Variants in CDHR1 observed in about 807,000 individuals in gnomAD.
The protein encoded by CDHR1 is cadherin-related family member 1.
A neutral mutation model predicts 72.1 loss-of-function variants in CDHR1; 61 were observed. The ratio of observed to expected loss-of-function variants is 0.85; its 90% CI spans 0.69 to 1.05. The LOEUF is 1.05. Among genes scored for constraint, CDHR1 ranks in the 50% least tolerant of loss-of-function variants. The pLI is 0.00. For missense variants in CDHR1, 1,186 were observed against 1,115.7 expected, an observed-to-expected ratio of 1.06 and a Z score of -0.90; for synonymous variants, 470 against 448.1, an observed-to-expected ratio of 1.05 and a Z score of -0.62.
rs558471351 is a variant in CDHR1 at position 84,210,892 on chromosome 10, G to C, written c.1321-109G>C. ...CTGGTTGGCAGCTGCGAGGAAGATC[G>C]GGAGACACGGCAGATGGATGCCACA... On this transcript the variant is annotated intron_variant, in intron 12 of 16. Transcript: ENST00000623527. The C allele has an allele frequency of 4.8e-6, 6 of 1,243,888 alleles. No homozygotes were observed. In the Admixed American group the frequency reaches 8.4e-5, roughly 17 times the overall value. The allele number at this position is 1,243,888 out of a possible 1,614,324, so 77.1% of individuals were successfully genotyped here.
chr10:84,198,627 G>T (rs1842068489), intron 4 of CDHR1, among the ~76,000 whole-genome samples: 1 of 152,212 alleles, frequency 6.6e-6, no homozygotes. Context: ...CCACAGCCCA[G>T]GAACTCTCAA....
Position 84,194,562 on chromosome 10 carries a change from G to T in CDHR1, c.-199G>T. On this transcript the variant is annotated 5_prime_UTR_variant, in exon 1 of 17. Transcript: ENST00000623527. ...GCTAATTGGTCTCGTCAGGCGGCCG[G>T]CAGGAGCAGATCCGAGCCGTGTCAT... The T allele has an allele frequency of 4.3e-6, 2 of 460,852 alleles. No homozygotes were observed. Among genetic ancestry groups the T allele is most frequent in the South Asian group, 8.1e-5 (2 of 24,588 alleles). 28.5% of individuals were successfully genotyped at this position (460,852 alleles called of 1,614,324 possible).
intron 5 of CDHR1, among the ~76,000 whole-genome samples, chr10:84,199,817 T>G (rs1842091400): frequency 6.6e-6 from 1 of 152,208 alleles, no homozygotes; most frequent in Non-Finnish European, 1.5e-5. Flanking sequence ...TGCTCCCTCC[T>G]GCAATGGGAG....
intron 9 of CDHR1, among the ~76,000 whole-genome samples, chr10:84,205,180 G>A (rs1421582197): frequency 6.6e-6 from 1 of 152,112 alleles, no homozygotes; most frequent in East Asian, 1.9e-4. Context: ...CCTGGGCCAG[G>A]CCAGGGCATC....
rs1023975740 is a variant in CDHR1 at position 84,215,353 on chromosome 10, T to C, written c.*732T>C. ...GCCAGGACTGCCCTGAGCCGCAAAA[T>C]GTCAAAGCTGGAGCTATAGAGGTAG... On this transcript the variant is annotated 3_prime_UTR_variant, in exon 17 of 17. Coordinates refer to ENST00000623527, the MANE Select transcript of CDHR1 (RefSeq NM_033100.4). 4 of 985,630 alleles carry C rather than the reference T, an allele frequency of 4.1e-6. No individual in the cohort carries two copies. Among genetic ancestry groups the C allele is most frequent in the Non-Finnish European group, 4.8e-6 (4 of 830,236 alleles). 61.1% of individuals were successfully genotyped at this position (985,630 alleles called of 1,614,324 possible).
chr10:84,214,451 A>C lies in CDHR1; in HGVS notation c.2410A>C (p.Thr804Pro), dbSNP rs776557705. The C allele has an allele frequency of 6.2e-7, 1 of 1,612,236 alleles. No homozygotes were observed. Among genetic ancestry groups the C allele is most frequent in the South Asian group, 1.1e-5 (1 of 91,066 alleles). ...TCCACCACCCAGCGTGGCGCCCAGC[A>C]CTGGCGCAGCCCAGTGGACCGTGCC... The part of the protein sequence containing the change: ...LPPPPSVAPS[T>P]GAAQWTVPTV... Residue 804 changes from threonine to proline, a missense_variant, in exon 17 of 17, where the codon ACT (threonine) becomes CCT (proline). By Grantham distance (38) the Thr-to-Pro change is conservative (BLOSUM62 -1). Coordinates refer to ENST00000623527, the MANE Select transcript of CDHR1 (RefSeq NM_033100.4).
intron 10 of CDHR1, among the ~76,000 whole-genome samples, chr10:84,207,568 A>G (rs778145136): frequency 1.4e-4 from 22 of 152,224 alleles, no homozygotes; most frequent in Non-Finnish European, 2.9e-4. Flanking sequence ...TATCTGCCAC[A>G]TGGTTCACAA....
At position 84,211,084 on chromosome 10, in the gene CDHR1, T is replaced by A; in HGVS notation, c.1404T>A (p.Asn468Lys). Residue 468 changes from asparagine to lysine, a missense_variant, in exon 13 of 17, where the codon AAT (asparagine) becomes AAA (lysine). Asn to Lys is a moderately conservative substitution (Grantham distance 94). Transcript: ENST00000623527. ...TCCAGCTCCTGGACACCAATGACAATGTCCCCAAGTTCGACTCCCTCTACT... is the reference window on the plus strand; with the variant it reads ...TCCAGCTCCTGGACACCAATGACAAAGTCCCCAAGTTCGACTCCCTCTACT... ...VVIQLLDTND[N>K]VPKFDSLYYV... is the part of the protein sequence containing the mutation. The A allele has an allele frequency of 6.2e-7, 1 of 1,614,246 alleles. No homozygotes were observed. Among genetic ancestry groups the A allele is most frequent in the South Asian group, 1.1e-5 (1 of 91,086 alleles).
chr10:84,210,583 T>G (rs1407511672), intron 12 of CDHR1, among the ~76,000 whole-genome samples: 1 of 152,188 alleles, frequency 6.6e-6, no homozygotes, highest in Non-Finnish European at 1.5e-5. Flanking sequence ...TTTGTTTGTT[T>G]TTATTTTTTT....
At position 84,213,966 on chromosome 10, in the gene CDHR1, G is replaced by T. The variant is rs139225459; in HGVS notation, c.2041-116G>T. The T allele has an allele frequency of 4.7e-3, 6,246 of 1,332,028 alleles. 24 individuals are homozygous for T. Among genetic ancestry groups the T allele is most frequent in the Non-Finnish European group, 5.8e-3 (5,413 of 929,062 alleles). 82.5% of individuals were successfully genotyped at this position (1,332,028 alleles called of 1,614,324 possible). Reference sequence around the variant, plus strand: ...CATAGTGCCTATCAGATTCTCAAAGGGACTCCTGACTCCAGAAAGTTTAAA... The same window carrying T: ...CATAGTGCCTATCAGATTCTCAAAGTGACTCCTGACTCCAGAAAGTTTAAA... On this transcript the variant is annotated intron_variant, in intron 16 of 16. Transcript: ENST00000623527.
Position 84,215,819 on chromosome 10 carries a change from T to C in CDHR1, c.*1198T>C. On this transcript the variant is annotated 3_prime_UTR_variant, in exon 17 of 17. Transcript: ENST00000623527. ...AGGGGCTACCACTGGATGATGGCATTGCCGTGACTCACACACCTCTACTTC... is the reference window on the plus strand; with the variant it reads ...AGGGGCTACCACTGGATGATGGCATCGCCGTGACTCACACACCTCTACTTC... The C allele has an allele frequency of 2.0e-6, 2 of 985,546 alleles. No homozygotes were observed. Among genetic ancestry groups the C allele is most frequent in the Non-Finnish European group, 2.4e-6 (2 of 830,020 alleles). 61.1% of individuals were successfully genotyped at this position (985,546 alleles called of 1,614,324 possible). A position where few individuals can be genotyped will look rare whatever the true frequency, so the allele number is the denominator to read the frequency against.
At position 84,196,763 on chromosome 10, in the gene CDHR1, G is replaced by A. The variant is rs534372670; in HGVS notation, c.297+113G>A. Reference sequence around the variant, plus strand: ...AACCTCTCCACAGAGTAGGGGATGAGGGGGCACACCCCAGGCACATCCACT... The same window carrying A: ...AACCTCTCCACAGAGTAGGGGATGAAGGGGCACACCCCAGGCACATCCACT... On this transcript the variant is annotated intron_variant, in intron 3 of 16. Coordinates refer to ENST00000623527, the MANE Select transcript of CDHR1 (RefSeq NM_033100.4). 4 of 1,240,514 alleles carry A rather than the reference G, an allele frequency of 3.2e-6. No individual in the cohort carries two copies. The Admixed American group carries it at 5.1e-5, about 16-fold the overall frequency. The allele number at this position is 1,240,514 out of a possible 1,614,324, so 76.8% of individuals were successfully genotyped here. A position where few individuals can be genotyped will look rare whatever the true frequency, so the allele number is the denominator to read the frequency against.
In CDHR1 at chr10:84,194,728, C is replaced by T. The variant is rs543373757; in HGVS notation, c.-33C>T. Reference sequence around the variant, plus strand: ...TCCGTGCCCCTGCGCCCGGTCTCGGCGGCGGCAGGCGACACTCCGCGCCGG... The same window carrying T: ...TCCGTGCCCCTGCGCCCGGTCTCGGTGGCGGCAGGCGACACTCCGCGCCGG... On this transcript the variant is annotated 5_prime_UTR_variant, in exon 1 of 17. Transcript: ENST00000623527. The T allele has an allele frequency of 1.6e-4, 241 of 1,463,568 alleles. 5 individuals carry two copies. In the South Asian group the frequency reaches 2.5e-3, roughly 15 times the overall value. The allele number at this position is 1,463,568 out of a possible 1,614,324, so 90.7% of individuals were successfully genotyped here. A position where few individuals can be genotyped will look rare whatever the true frequency, so the allele number is the denominator to read the frequency against.
intron 8 of CDHR1, 121 bp from the exon 9 acceptor site, chr10:84,204,406 G>C: frequency 1.3e-6 from 1 of 763,116 alleles, no homozygotes; most frequent in Non-Finnish European, 2.4e-6. Context: ...CCACCGCCAC[G>C]TAGAGGCCTG....
intron 1 of CDHR1, 73 bp from the exon 2 acceptor site, chr10:84,195,421 T>C: frequency 7.2e-7 from 1 of 1,381,982 alleles, no homozygotes; most frequent in Non-Finnish European, 1.0e-6. Context: ...GGGACCGCGC[T>C]GGTGCGAAGC....
At chr10:84,199,332 A>G (rs1217851191) in intron 5 of CDHR1, among the ~76,000 whole-genome samples, 1 of 152,244 alleles carries the variant, frequency 6.6e-6, no homozygotes, top group Non-Finnish European at 1.5e-5. Flanking sequence ...AAATGTGTAG[A>G]AAAGTAAGAG....
At chr10:84,203,215 G>T (rs1842163108) in intron 8 of CDHR1, 92 bp downstream of exon 8, 1 of 1,542,114 alleles carries the variant, frequency 6.5e-7, no homozygotes, top group Non-Finnish European at 8.9e-7. Flanking sequence ...GAGATGGCTG[G>T]TCTGGTCCCG....
chr10:84,219,053 T>G (rs4562752), downstream of CDHR1: 386,758 of 807,748 alleles, frequency 0.48, 96,016 homozygotes, highest in African/African-American at 0.77. Flanking sequence ...AGAACACTAA[T>G]GTACTATTAT....
At chr10:84,206,390 C>T (rs1450061253) in intron 10 of CDHR1, among the ~76,000 whole-genome samples, 2 of 152,180 alleles carry the variant, frequency 1.3e-5, no homozygotes, top group African/African-American at 2.4e-5. Context: ...ATGGATCTGT[C>T]GCTAGAGCCG....
Sources: gnomAD v4.1 joint callset for allele counts (sites outside exome capture counted in the v4.1 genomes callset) on GRCh38, gnomAD v4.1.1 for gene constraint, MANE v1.5 for transcripts, NCBI Gene and HGNC (gene_info 2026-07-23, HGNC 2026-07-21) for gene names.